FBXO40: variants seen among roughly 807,000 people sequenced by gnomAD.
The protein encoded by FBXO40 is F-box only protein 40.
Under a neutral mutation model 49.9 loss-of-function variants are expected in FBXO40, and 50 were observed. The observed-to-expected ratio is 1.00, with a 90% CI of 0.80 to 1.27. FBXO40 has a LOEUF of 1.27. Among genes scored for constraint, FBXO40 ranks in the 50% most tolerant of loss-of-function variants. The probability of loss-of-function intolerance (pLI) is 0.00; values close to 1 mark genes in which losing one functional copy is unlikely to be tolerated. For synonymous variants in FBXO40, 340 were observed against 320.2 expected (o/e 1.06, Z -0.66); for missense variants, 895 against 870.1 (o/e 1.03, Z -0.36).
intron 1 of FBXO40, among the ~76,000 whole-genome samples, chr3:121,614,981 A>T (rs982285610): frequency 6.6e-5 from 10 of 152,186 alleles, no homozygotes; most frequent in African/African-American, 2.4e-4. Flanking sequence ...GCACTTCGGG[A>T]GGCCGAGGCT....
At chr3:121,611,253 G>A (rs370851414) in intron 1 of FBXO40, among the ~76,000 whole-genome samples, 5 of 152,258 alleles carry the variant, frequency 3.3e-5, no homozygotes, top group Admixed American at 2.6e-4. Flanking sequence ...GACCTGCACC[G>A]GCACCGGTCT....
rs2049042791 is a variant in FBXO40, at chr3:121,623,015, G to A, written c.1586G>A (p.Gly529Glu). Residue 529 changes from glycine (G) to glutamate (E), a missense_variant, in exon 3 of 4, where the codon GGG becomes GAG. Physicochemically the swap from Gly to Glu is moderately conservative, Grantham distance 98 (BLOSUM62 -2). Coordinates refer to ENST00000338040, the MANE Select transcript of FBXO40 (RefSeq NM_016298.4). ...TFVQNHFRPP[G>E]QKAKVIYSQE... The stretch of plus-strand genomic sequence containing the variant: ...GTTCAAAACCATTTCCGTCCCCCAG[G>A]GCAAAAGGCAAAAGTAATCTATAGC... 1.9e-6 allele frequency: 3 copies of A among 1,613,986 alleles called. No individual in the cohort carries two copies. Among genetic ancestry groups the A allele is most frequent in the Non-Finnish European group, 2.5e-6 (3 of 1,180,032 alleles).
chr3:121,620,999 G>A (rs926170321), intron 2 of FBXO40, among the ~76,000 whole-genome samples: 9 of 152,170 alleles, frequency 5.9e-5, no homozygotes, highest in East Asian at 1.9e-4. Flanking sequence ...CCCATATTCC[G>A]GAATGTTACA....
At chr3:121,615,206 A>AG (rs925663200) in intron 1 of FBXO40, among the ~76,000 whole-genome samples, 1 of 146,026 alleles carries the variant, frequency 6.8e-6, no homozygotes, top group African/African-American at 2.5e-5. Flanking sequence ...ATCTCAAAAA[A>AG]AAAAAAAAAA....
At position 121,621,930 on chromosome 3, in the gene FBXO40, G is replaced by A; in HGVS notation, c.501G>A (p.Glu167=). The change falls in exon 3 of 4, where the codon GAG becomes GAA. Residue 167 remains glutamate (E), a synonymous_variant. Coordinates refer to ENST00000338040, the MANE Select transcript of FBXO40 (RefSeq NM_016298.4). ...CTATGAATGGTGAAACCAGTGTGGA[G>A]GAAATGGGAGGAGCAGTGGGTGGAG... is the stretch of plus-strand genomic sequence containing the variant. ...EPTMNGETSV[E]EMGGAVGGVD... is the part of the protein sequence containing the mutation. 2 of 1,614,214 alleles carry A rather than the reference G, an allele frequency of 1.2e-6. No homozygotes were observed. The highest frequency in any genetic ancestry group is 1.7e-6 in the Non-Finnish European group (2 of 1,180,040).
intron 1 of FBXO40, among the ~76,000 whole-genome samples, chr3:121,615,119 C>T (rs572407963): frequency 2.0e-5 from 3 of 146,986 alleles, no homozygotes; most frequent in South Asian, 2.1e-4. Flanking sequence ...ACAGGAGAAT[C>T]GCTTGAATCT....
At chr3:121,616,313 G>A (rs1007817471) in intron 1 of FBXO40, among the ~76,000 whole-genome samples, 2 of 152,120 alleles carry the variant, frequency 1.3e-5, no homozygotes, top group Non-Finnish European at 2.9e-5. Flanking sequence ...GAATCAGATG[G>A]GGAGTGTGTT....
At position 121,629,559 on chromosome 3, in the gene FBXO40, T is replaced by C. The variant is rs554964916; in HGVS notation, c.*2649T>C. The C allele has an allele frequency of 2.5e-4, 38 of 152,256 alleles. No individual in the cohort carries two copies. The highest frequency in any genetic ancestry group is 7.5e-4 in the African/African-American group (31 of 41,546). 9.4% of individuals were successfully genotyped at this position (152,256 alleles called of 1,614,324 possible). ...GATGGAGGAGAAATAAGGTGCTACATAGAGAAAGGAAGAGGGCAGAAGGCT... is the reference window on the plus strand; with the variant it reads ...GATGGAGGAGAAATAAGGTGCTACACAGAGAAAGGAAGAGGGCAGAAGGCT... On this transcript the variant is annotated 3_prime_UTR_variant, in exon 4 of 4. Transcript: ENST00000338040.
chr3:121,599,156 A>C (rs1487196848), intron 1 of FBXO40, among the ~76,000 whole-genome samples: 1 of 152,068 alleles, frequency 6.6e-6, no homozygotes, highest in African/African-American at 2.4e-5. Flanking sequence ...TTTTTCAGAC[A>C]AGAAGCAAGA....
chr3:121,611,575 T>C (rs1390663504), intron 1 of FBXO40, among the ~76,000 whole-genome samples: 1 of 152,254 alleles, frequency 6.6e-6, no homozygotes, highest in Non-Finnish European at 1.5e-5. Flanking sequence ...AATCAGGTTT[T>C]ATACCGAGAC....
chr3:121,607,708 A>G (rs2048939717), intron 1 of FBXO40, among the ~76,000 whole-genome samples: 1 of 152,122 alleles, frequency 6.6e-6, no homozygotes, highest in African/African-American at 2.4e-5. Context: ...CCCTACATAG[A>G]GGCATTTAAA....
chr3:121,593,575 C>T (rs753052895), intron 1 of FBXO40, 73 bp downstream of exon 1: 7 of 152,130 alleles, frequency 4.6e-5, no homozygotes, highest in Non-Finnish European at 8.8e-5. Context: ...GAAGCTGAGC[C>T]GCATATCACT....
rs535581264 is a variant in FBXO40, at chr3:121,627,709, T to G, written c.*799T>G. ...AATGACTTAAGGGTCAAGATTTTTT[T>G]CTTCTGAAAATTATGTTCTGAGTTA... is the stretch of plus-strand genomic sequence containing the variant. On this transcript the variant is annotated 3_prime_UTR_variant, in exon 4 of 4. Transcript: ENST00000338040. 1 of 396,674 alleles carries G rather than the reference T, an allele frequency of 2.5e-6. No homozygotes were observed. The highest frequency in any genetic ancestry group is 4.4e-6 in the Non-Finnish European group (1 of 225,560). 24.6% of individuals were successfully genotyped at this position (396,674 alleles called of 1,614,324 possible). A position where few individuals can be genotyped will look rare whatever the true frequency, so the allele number is the denominator to read the frequency against.
intron 1 of FBXO40, among the ~76,000 whole-genome samples, chr3:121,617,427 C>T (rs2049003579): frequency 6.6e-6 from 1 of 151,748 alleles, no homozygotes; most frequent in African/African-American, 2.4e-5. Context: ...AACCCCGTCT[C>T]TACTAAAAAT....
intron 1 of FBXO40, among the ~76,000 whole-genome samples, chr3:121,606,877 G>T (rs986719682): frequency 1.3e-5 from 2 of 152,178 alleles, no homozygotes; most frequent in African/African-American, 4.8e-5. Context: ...CAATGCCAAG[G>T]ATAGGTATTG....
rs2049034029 is a variant in FBXO40 at position 121,621,961 on chromosome 3, A to G, written c.532A>G (p.Ile178Val). The G allele has an allele frequency of 1.2e-6, 2 of 1,614,100 alleles. No individual in the cohort carries two copies. Among genetic ancestry groups the G allele is most frequent in the African/African-American group, 1.3e-5 (1 of 74,922 alleles). The change falls in exon 3 of 4, where the codon ATC becomes GTC. Residue 178 changes from isoleucine (I) to valine (V), a missense_variant. By Grantham distance (29) the Ile-to-Val change is conservative. Transcript: ENST00000338040. ...GGGAGGAGCAGTGGGTGGAGTGGAT[A>G]TCGGTTTGGTACCACATGGTCTGTC... ...EMGGAVGGVD[I>V]GLVPHGLSAT...
Position 121,623,122 on chromosome 3 carries a change from C to A in FBXO40, c.1693C>A (p.His565Asn), listed in dbSNP as rs375253207. The stretch of plus-strand genomic sequence containing the variant: ...AAGGAAGAACAACCATCTTTTGGGT[C>A]ATGGAGGAAAAAGCCAGAATTCTTT... ...EGRKNNHLLG[H>N]GGKSQNSLTS... The change falls in exon 3 of 4, where the codon CAT becomes AAT. Residue 565 changes from histidine (H) to asparagine (N), a missense_variant. His to Asn is a moderately conservative substitution (Grantham distance 68, BLOSUM62 1). Transcript: ENST00000338040. The A allele has an allele frequency of 1.9e-6, 3 of 1,614,158 alleles. No homozygotes were observed. The highest frequency in any genetic ancestry group is 2.5e-6 in the Non-Finnish European group (3 of 1,180,028).
intron 1 of FBXO40, among the ~76,000 whole-genome samples, chr3:121,610,353 C>CG (rs2048957932): frequency 6.6e-6 from 1 of 152,136 alleles, no homozygotes; most frequent in South Asian, 2.1e-4. Flanking sequence ...TATGGAAGTC[C>CG]AGGGGCCTAA....
At chr3:121,609,517 G>A (rs945953368) in intron 1 of FBXO40, among the ~76,000 whole-genome samples, 2 of 152,040 alleles carry the variant, frequency 1.3e-5, no homozygotes, top group African/African-American at 4.8e-5. Flanking sequence ...CAGGTTAGTT[G>A]TGAGGTTGAA....
Sources: allele counts gnomAD v4.1 joint callset (sites outside exome capture counted in the v4.1 genomes callset), GRCh38; gene constraint gnomAD v4.1.1; transcripts MANE v1.5; gene names NCBI Gene and HGNC (gene_info 2026-07-23, HGNC 2026-07-21).